COL23A1: variants seen among roughly 807,000 people sequenced by gnomAD.
COL23A1 encodes collagen alpha-1(XXIII) chain.
COL23A1 carries 97 observed loss-of-function variants against 99.3 expected under a neutral mutation model. The observed-to-expected ratio is 0.98, with a 90% CI of 0.83 to 1.16. The LOEUF (loss-of-function observed/expected upper bound fraction) is 1.16, where lower values mean the gene tolerates loss of function less well. Ranked by LOEUF, COL23A1 falls within the 50% of genes most tolerant of loss-of-function variation. The probability of loss-of-function intolerance (pLI) is 0.00; values close to 1 mark genes in which losing one functional copy is unlikely to be tolerated. For missense variants in COL23A1, 762 were observed against 757.4 expected (o/e 1.01, Z -0.07); for synonymous variants, 320 against 308.2 (o/e 1.04, Z -0.40).
At chr5:178,483,340 T>C (rs1757441269) in intron 2 of COL23A1, among the ~76,000 whole-genome samples, 1 of 151,664 alleles carries the variant, frequency 6.6e-6, no homozygotes, top group South Asian at 2.1e-4. Flanking sequence ...TCTTGAATGG[T>C]AGGAATCTTG....
intron 3 of COL23A1, among the ~76,000 whole-genome samples, chr5:178,292,921 C>T (rs575971456): frequency 6.6e-6 from 1 of 152,058 alleles, no homozygotes; most frequent in Non-Finnish European, 1.5e-5. Context: ...AGGGAGTGAT[C>T]GCCTGTGCAC....
At position 178,387,949 on chromosome 5, in the gene COL23A1, A is replaced by T. The variant is rs1763760660; in HGVS notation, c.362-81030T>A. Among the ~76,000 whole-genome samples the T allele has an allele frequency of 1.3e-5, 2 of 152,112 alleles. No individual in the cohort carries two copies. Among genetic ancestry groups the T allele is most frequent in the Non-Finnish European group, 2.9e-5 (2 of 68,000 alleles). On this transcript the variant is annotated intron_variant, in intron 2 of 28. Transcript: ENST00000390654. This position sits in a 1 kb window ranked among gnomAD's most constrained non-coding sequence, Gnocchi z 4.7. Reference sequence around the variant, plus strand: ...GCAAGAACTGCCAGTGAAGGACAGAAATGGGCAAGTGGGAGGAGATTGATG... The same window carrying T: ...GCAAGAACTGCCAGTGAAGGACAGATATGGGCAAGTGGGAGGAGATTGATG...
At chr5:178,305,016 T>C (rs887245116) in intron 3 of COL23A1, among the ~76,000 whole-genome samples, 3 of 152,110 alleles carry the variant, frequency 2.0e-5, no homozygotes, top group African/African-American at 7.2e-5. Flanking sequence ...TACTTTGTCC[T>C]AAAAAAATGA....
Position 178,419,026 on chromosome 5 carries a change from A to G in COL23A1, c.362-112107T>C, listed in dbSNP as rs1765458365. ...AAGTCTGACCTATGGCAGATGCTCA[A>G]GAAACACTTGTGGAATGAACGCAGC... On this transcript the variant is annotated intron_variant, in intron 2 of 28. Transcript: ENST00000390654. Among the ~76,000 whole-genome samples the G allele has an allele frequency of 1.3e-5, 2 of 152,226 alleles. 1 individual carries two copies. Among genetic ancestry groups the G allele is most frequent in the South Asian group, 4.1e-4 (2 of 4,830 alleles).
intron 2 of COL23A1, among the ~76,000 whole-genome samples, chr5:178,524,919 T>C (rs567256070): frequency 1.3e-5 from 2 of 152,120 alleles, no homozygotes; most frequent in Non-Finnish European, 2.9e-5. Flanking sequence ...GGGACTCCAT[T>C]TACACACGCA....
At chr5:178,242,207 G>A (rs1176962565) in intron 26 of COL23A1, 79 bp from the exon 27 acceptor site, 4 of 1,467,920 alleles carry the variant, frequency 2.7e-6, no homozygotes, top group East Asian at 2.5e-5. Context: ...AGAGAAGCGC[G>A]TGGGGCCAGC....
chr5:178,349,221 G>A (rs1016102240), intron 2 of COL23A1, among the ~76,000 whole-genome samples: 5 of 152,190 alleles, frequency 3.3e-5, no homozygotes, highest in Non-Finnish European at 5.9e-5. Context: ...GTAAAAACCA[G>A]CAATGAGTTG....
intron 2 of COL23A1, among the ~76,000 whole-genome samples, chr5:178,557,824 G>A (rs1468835083): frequency 6.6e-6 from 1 of 152,160 alleles, no homozygotes; most frequent in Non-Finnish European, 1.5e-5. Context: ...AAGACAAGGG[G>A]CTCATGGGCC....
intron 2 of COL23A1, among the ~76,000 whole-genome samples, chr5:178,328,527 C>T (rs1358679050): frequency 6.6e-6 from 1 of 152,214 alleles, no homozygotes; most frequent in Non-Finnish European, 1.5e-5. Context: ...AGTTTTCCCA[C>T]CTGTGAAATG....
intron 3 of COL23A1, among the ~76,000 whole-genome samples, chr5:178,291,950 T>A (rs1238736709): frequency 6.6e-6 from 1 of 152,138 alleles, no homozygotes; most frequent in Non-Finnish European, 1.5e-5. Flanking sequence ...AGCTTGGACA[T>A]CCCATTGAGC....
intron 2 of COL23A1, among the ~76,000 whole-genome samples, chr5:178,380,291 G>A (rs1763308965): frequency 6.6e-6 from 1 of 152,158 alleles, no homozygotes; most frequent in Non-Finnish European, 1.5e-5. Context: ...TGACCTAGAT[G>A]AGGGGGTCCA....
intron 2 of COL23A1, among the ~76,000 whole-genome samples, chr5:178,419,299 C>T (rs909545805): frequency 5.9e-5 from 9 of 152,102 alleles, no homozygotes; most frequent in East Asian, 3.9e-4. Flanking sequence ...AACGTTAAGC[C>T]GAAGAGCCAG....
At position 178,590,067 on chromosome 5, in the gene COL23A1, G is replaced by C. The variant is rs1306141765; in HGVS notation, c.131C>G (p.Ser44Cys). 7 of 1,338,132 alleles carry C rather than the reference G, an allele frequency of 5.2e-6. No homozygotes were observed. The Middle Eastern group carries it at 1.1e-3, about 212-fold the overall frequency. The allele number at this position is 1,338,132 out of a possible 1,614,324, so 82.9% of individuals were successfully genotyped here. A position where few individuals can be genotyped will look rare whatever the true frequency, so the allele number is the denominator to read the frequency against. ...RAVSALCLLL[S>C]VGSAAACLLL... Reference sequence around the variant, plus strand: ...CAGGCAGGCAGCCGCCGAGCCCACGGAGAGCAGCAGGCACAGCGCGCTCAC... The same window carrying C: ...CAGGCAGGCAGCCGCCGAGCCCACGCAGAGCAGCAGGCACAGCGCGCTCAC... Residue 44 changes from serine to cysteine, a missense_variant, in exon 1 of 29, where the codon TCC (serine) becomes TGC (cysteine). By Grantham distance (112) the Ser-to-Cys change is moderately radical. Coordinates refer to ENST00000390654, the MANE Select transcript of COL23A1 (RefSeq NM_173465.4). The surrounding 1 kb of genome is among the most constrained non-coding windows in gnomAD (Gnocchi z 5.7).
At chr5:178,405,693 GA>G (rs1764728000) in intron 2 of COL23A1, among the ~76,000 whole-genome samples, 1 of 152,176 alleles carries the variant, frequency 6.6e-6, no homozygotes, top group Non-Finnish European at 1.5e-5. Flanking sequence ...GAAAGAGGAT[GA>G]AAAATACAAT....
rs1030615900 is a variant in COL23A1 at position 178,309,281 on chromosome 5, G to A, written c.362-2362C>T. ...TGATGGGGAGGGATGCTGGCAGGGT[G>A]GGCAGCTGCCCAGGCAGGGTAGGGT... is the stretch of plus-strand genomic sequence containing the variant. On this transcript the variant is annotated intron_variant, in intron 2 of 28. Transcript: ENST00000390654. This position sits in a 1 kb window ranked among gnomAD's most constrained non-coding sequence, Gnocchi z 4.7. 1.3e-5 allele frequency among the ~76,000 whole-genome samples: 2 copies of A among 152,182 alleles called. No homozygotes were observed. Among genetic ancestry groups the A allele is most frequent in the Non-Finnish European group, 2.9e-5 (2 of 68,012 alleles).
chr5:178,388,800 A>G (rs562361421), intron 2 of COL23A1, among the ~76,000 whole-genome samples: 23 of 152,284 alleles, frequency 1.5e-4, no homozygotes, highest in Admixed American at 9.2e-4. Context: ...CCTATTGCCT[A>G]TTTCCTCAGA....
chr5:178,337,201 C>A (rs559905065), intron 2 of COL23A1, among the ~76,000 whole-genome samples: 6 of 152,318 alleles, frequency 3.9e-5, no homozygotes, highest in African/African-American at 1.4e-4. Context: ...GAGTGTGGAG[C>A]CATCCTCCCC....
At chr5:178,554,569 T>C (rs1475223613) in intron 2 of COL23A1, among the ~76,000 whole-genome samples, 1 of 152,234 alleles carries the variant, frequency 6.6e-6, no homozygotes, top group African/African-American at 2.4e-5. Context: ...CGGAAGAGTC[T>C]GGTCACCTAC....
At position 178,509,735 on chromosome 5, in the gene COL23A1, C is replaced by T. The variant is rs951663045; in HGVS notation, c.361+50947G>A. On this transcript the variant is annotated intron_variant, in intron 2 of 28. Coordinates refer to ENST00000390654, the MANE Select transcript of COL23A1 (RefSeq NM_173465.4). ...ACAGCACCATCCCACCACCGCCCCG[C>T]CCCAAGTGTGAAGCTTCCTCCGACC... Among the ~76,000 whole-genome samples the T allele has an allele frequency of 4.6e-5, 7 of 152,312 alleles. No homozygotes were observed. In the East Asian group the frequency reaches 1.4e-3, roughly 29 times the overall value.
Sources: gnomAD v4.1 joint callset for allele counts (sites outside exome capture counted in the v4.1 genomes callset) on GRCh38, gnomAD v4.1.1 for gene constraint, Gnocchi (gnomAD v3.1) non-coding constraint, MANE v1.5 for transcripts, NCBI Gene and HGNC (gene_info 2026-07-23, HGNC 2026-07-21) for gene names.